Variants in NPIPB11 observed in about 807,000 individuals in gnomAD.
The protein encoded by NPIPB11 is nuclear pore complex-interacting protein family member B11.
Under a neutral mutation model 32.8 loss-of-function variants are expected in NPIPB11, and 17 were observed. The observed-to-expected ratio is 0.52, with a 90% confidence interval of 0.35 to 0.78. The LOEUF (loss-of-function observed/expected upper bound fraction) is 0.78. NPIPB11 is among the 30% of genes least tolerant of loss of function. The pLI is 0.01. For missense variants in NPIPB11, 537 were observed against 1,000.4 expected, an observed-to-expected ratio of 0.54 and a Z score of 6.25; for synonymous variants, 209 against 398.4, an observed-to-expected ratio of 0.52 and a Z score of 5.66.
chr16:29,389,557 C>T (rs1377661641), intron 5 of NPIPB11, among the ~76,000 whole-genome samples: 3 of 147,904 alleles, frequency 2.0e-5, no homozygotes, highest in Non-Finnish European at 3.0e-5. Context: ...ACCTGTAATC[C>T]CAGCTACTTG....
chr16:29,400,299 C>A (rs887862887), intron 2 of NPIPB11, among the ~76,000 whole-genome samples: 1 of 151,358 alleles, frequency 6.6e-6, no homozygotes, highest in Non-Finnish European at 1.5e-5. Flanking sequence ...GTTATTCGTG[C>A]AGCCCAGGAA....
intron 2 of NPIPB11, among the ~76,000 whole-genome samples, chr16:29,400,403 CTGACCAGCTGTG>C (rs1185671975): frequency 6.6e-6 from 1 of 151,388 alleles, no homozygotes; most frequent in Non-Finnish European, 1.5e-5. Context: ...TATGTTGCTG[CTGACCAGCTGTG>C]TGACCCTGGG....
chr16:29,401,852 G>C (rs1963999401), intron 2 of NPIPB11, among the ~76,000 whole-genome samples: 1 of 151,826 alleles, frequency 6.6e-6, no homozygotes, highest in Non-Finnish European at 1.5e-5. Context: ...GGGCACAGGA[G>C]AGCCATGGAG....
At chr16:29,394,107 G>T in intron 2 of NPIPB11, 31 bp from the exon 3 acceptor site, 2 of 1,591,042 alleles carry the variant, frequency 1.3e-6, no homozygotes, top group Non-Finnish European at 1.7e-6. Context: ...ATAATGAAAA[G>T]GTCAATGACA....
In NPIPB11 at chr16:29,397,068, G is replaced by T. The variant is rs909948740; in HGVS notation, c.121-2992C>A. On this transcript the variant is annotated intron_variant, in intron 2 of 7. Transcript: ENST00000524087. ...GCGTTGTAATCTGAGCTACTCAGGA[G>T]GCTGAGGCAGGACAATTGCTTGAAC... Among the ~76,000 whole-genome samples the T allele has an allele frequency of 7.4e-4, 112 of 150,936 alleles. 3 individuals carry two copies. Among genetic ancestry groups the T allele is most frequent in the African/African-American group, 2.4e-3 (101 of 41,304 alleles).
chr16:29,402,854 A>G (rs1272518923), intron 2 of NPIPB11, among the ~76,000 whole-genome samples: 1 of 130,324 alleles, frequency 7.7e-6, no homozygotes, highest in Non-Finnish European at 1.6e-5. Context: ...GACTAATTTA[A>G]TTATTACTAT....
At chr16:29,393,517 C>T (rs1963772204) in intron 3 of NPIPB11, among the ~76,000 whole-genome samples, 2 of 152,086 alleles carry the variant, frequency 1.3e-5, no homozygotes, top group East Asian at 1.9e-4. Context: ...ATGTTTATGC[C>T]TGTTCTATGT....
At chr16:29,397,513 G>A (rs538268553) in intron 2 of NPIPB11, 370 of 1,482,374 alleles carry the variant, frequency 2.5e-4, no homozygotes, top group African/African-American at 3.5e-4. Flanking sequence ...ATTTCATGCC[G>A]CGTGACACAG....
intron 2 of NPIPB11, chr16:29,397,599 A>T: frequency 2.0e-6 from 3 of 1,504,736 alleles, no homozygotes; most frequent in Non-Finnish European, 2.7e-6. Context: ...AAATTCCAGC[A>T]GGAGCCCAAA....
At chr16:29,397,066 G>A (rs1472878969) in intron 2 of NPIPB11, among the ~76,000 whole-genome samples, 3 of 150,916 alleles carry the variant, frequency 2.0e-5, no homozygotes, top group African/African-American at 7.3e-5. Context: ...AGCTACTCAG[G>A]AGGCTGAGGC....
upstream of NPIPB11, among the ~76,000 whole-genome samples, chr16:29,405,650 G>A (rs369154856): frequency 3.4e-4 from 52 of 152,112 alleles, no homozygotes; most frequent in South Asian, 4.8e-3. Context: ...ATCAATGCCC[G>A]TCTCATTCTA....
exon 4 of NPIPB11, chr16:29,390,306 C>A: frequency 3.8e-6 from 6 of 1,578,424 alleles, no homozygotes; most frequent in Non-Finnish European, 5.2e-6. Context: ...GTGGATCCAT[C>A]ATGTCCATTT....
Position 29,394,083 on chromosome 16 carries a change from T to A in NPIPB11, c.121-7A>T. The A allele has an allele frequency of 6.3e-7, 1 of 1,594,870 alleles. No homozygotes were observed. The highest frequency in any genetic ancestry group is 8.5e-7 in the Non-Finnish European group (1 of 1,178,214). ...CAGCCAGAGTATTGATAACCTGGAA[T>A]AATAATAGTTGAAATAATGAAAAGG... On this transcript the variant is annotated splice_polypyrimidine_tract_variant and splice_region_variant and intron_variant, in intron 2 of 7. Transcript: ENST00000524087.
chr16:29,398,927 G>A (rs1179040509), intron 2 of NPIPB11, among the ~76,000 whole-genome samples: 2 of 151,754 alleles, frequency 1.3e-5, no homozygotes, highest in Admixed American at 1.3e-4. Flanking sequence ...CTGCCTGTGT[G>A]TGTGGACTTT....
upstream of NPIPB11, among the ~76,000 whole-genome samples, chr16:29,405,453 G>T (rs1309002249): frequency 6.6e-6 from 1 of 152,102 alleles, no homozygotes; most frequent in African/African-American, 2.4e-5. Context: ...AATGATAAGG[G>T]TTAACATTAA....
exon 3 of NPIPB11, chr16:29,394,028 C>T (rs771034607): frequency 6.3e-7 from 1 of 1,599,444 alleles, no homozygotes; most frequent in Non-Finnish European, 8.5e-7. Flanking sequence ...CAAGGACTTC[C>T]ACCAAAGTCA....
chr16:29,398,781 G>A (rs1486392379), intron 2 of NPIPB11, among the ~76,000 whole-genome samples: 2 of 151,260 alleles, frequency 1.3e-5, no homozygotes, highest in South Asian at 2.1e-4. Context: ...TCATAACATG[G>A]CAATAAAATG....
chr16:29,390,486 C>G, intron 3 of NPIPB11, 138 bp from the exon 4 acceptor site: 5 of 1,358,472 alleles, frequency 3.7e-6, no homozygotes, highest in Non-Finnish European at 5.1e-6. Flanking sequence ...AACCCCATCT[C>G]TACTAAAAAT....
At chr16:29,397,374 T>A (rs1482728436) in intron 2 of NPIPB11, among the ~76,000 whole-genome samples, 7 of 151,176 alleles carry the variant, frequency 4.6e-5, no homozygotes, top group Non-Finnish European at 8.8e-5. Flanking sequence ...GCCCGACTAA[T>A]CTTTTTTGGA....
Sources: gnomAD v4.1 joint callset for allele counts (sites outside exome capture counted in the v4.1 genomes callset) on GRCh38, gnomAD v4.1.1 for gene constraint, MANE v1.5 for transcripts, NCBI Gene and HGNC (gene_info 2026-07-23, HGNC 2026-07-21) for gene names.